The following SIRT6 variants were observed in gnomAD, a reference collection of about 807,000 sequenced individuals.
SIRT6 encodes sirtuin 6.
In SIRT6, 21 loss-of-function variants were observed where a neutral mutation model predicts 33.6. The ratio of observed to expected loss-of-function variants is 0.62; its 90% CI spans 0.44 to 0.90. The LOEUF (loss-of-function observed/expected upper bound fraction) is 0.90, where lower values mean the gene tolerates loss of function less well. Among genes scored for constraint, SIRT6 ranks in the 40% least tolerant of loss-of-function variants. The pLI is 0.00. For missense variants in SIRT6, 504 were observed against 510.6 expected (o/e 0.99, Z 0.12); for synonymous variants, 221 against 223.9 (o/e 0.99, Z 0.12).
rs570295396 is a variant in SIRT6, at chr19:4,177,625, A to G, written c.378-487T>C. ...GCCCAGGTTGGAGTGCAATGGTGCAATCTCAGCTCACCACAACCTCAATGG... is the reference window on the plus strand; with the variant it reads ...GCCCAGGTTGGAGTGCAATGGTGCAGTCTCAGCTCACCACAACCTCAATGG... On this transcript the variant is annotated intron_variant, in intron 3 of 7. Transcript: ENST00000337491. Among the ~76,000 whole-genome samples the G allele has an allele frequency of 7.2e-5, 11 of 152,144 alleles. No homozygotes were observed. In the South Asian group the frequency reaches 1.0e-3, roughly 14 times the overall value.
intron 4 of SIRT6, 78 bp from the exon 5 acceptor site, chr19:4,176,015 T>C: frequency 7.6e-7 from 1 of 1,323,662 alleles, no homozygotes; most frequent in Non-Finnish European, 1.0e-6. Context: ...TAGGGTGACG[T>C]TCTCCCAGGG....
rs1355063360 is a variant in SIRT6 at position 4,174,866 on chromosome 19, G to C, written c.819C>G (p.Ile273Met). 1 of 1,600,862 alleles carries C rather than the reference G, an allele frequency of 6.2e-7. No individual in the cohort carries two copies. ...TRLMKHLGLEIPAWDGPRVLE... is the reference protein window; with the variant it reads ...TRLMKHLGLEMPAWDGPRVLE... The stretch of plus-strand genomic sequence containing the variant: ...GCACACGGGGGCCGTCCCAGGCGGG[G>C]ATCTCCAGCCCCAGGTGCTTCATGA... The change falls in exon 8 of 8, where the codon ATC (isoleucine) becomes ATG (methionine). Residue 273 changes from isoleucine (I) to methionine (M), a missense_variant. Ile to Met is a conservative substitution (Grantham distance 10, BLOSUM62 1). Transcript: ENST00000337491. This position sits in a 1 kb window ranked among gnomAD's most constrained non-coding sequence, Gnocchi z 4.2.
intron 1 of SIRT6, among the ~76,000 whole-genome samples, chr19:4,181,645 G>C (rs890816386): frequency 6.6e-6 from 1 of 152,170 alleles, no homozygotes; most frequent in African/African-American, 2.4e-5. Flanking sequence ...AAATTAGCCA[G>C]GCGTGGTGGC....
intron 6 of SIRT6, 82 bp from the exon 7 acceptor site, chr19:4,175,233 T>C (rs1967222093): frequency 6.7e-7 from 1 of 1,500,670 alleles, no homozygotes; most frequent in Non-Finnish European, 8.9e-7. Context: ...GGTTCACACC[T>C]AGGCCATCTG....
At chr19:4,180,140 T>C (rs1043382628) in intron 2 of SIRT6, among the ~76,000 whole-genome samples, 2 of 133,988 alleles carry the variant, frequency 1.5e-5, no homozygotes, top group African/African-American at 2.8e-5. Context: ...AGTCTGGCTC[T>C]GTTGCCCAGG....
At chr19:4,175,491 A>C (rs1967237553) in intron 6 of SIRT6, 189 bp downstream of exon 6, 2 of 640,886 alleles carry the variant, frequency 3.1e-6, no homozygotes, top group African/African-American at 1.8e-5. Context: ...TGTAGCACCC[A>C]CCCAGAGCCA....
chr19:4,175,569 T>C, intron 6 of SIRT6, 111 bp downstream of exon 6: 1 of 1,106,956 alleles, frequency 9.0e-7, no homozygotes, highest in Non-Finnish European at 1.3e-6. Context: ...CCAGGAAGCC[T>C]CCCCTCACTG....
At chr19:4,177,231 G>A in intron 3 of SIRT6, 93 bp from the exon 4 acceptor site, 1 of 1,209,352 alleles carries the variant, frequency 8.3e-7, no homozygotes, top group Non-Finnish European at 1.2e-6. Context: ...CCTCCAGGAA[G>A]GCTTCCCGGA....
Position 4,175,665 on chromosome 19 carries a change from G to A in SIRT6, c.614+15C>T, listed in dbSNP as rs1967249238. ...CCCGCCCCACCATGGGCTCCCTGGG[G>A]GTGGGGGGTCAGACCTGCTGGCCTC... On this transcript the variant is annotated intron_variant, in intron 6 of 7. Transcript: ENST00000337491. 3 of 1,502,920 alleles carry A rather than the reference G, an allele frequency of 2.0e-6. No homozygotes were observed. Among genetic ancestry groups the A allele is most frequent in the Admixed American group, 2.3e-5 (1 of 43,242 alleles). The allele number at this position is 1,502,920 out of a possible 1,614,324, so 93.1% of individuals were successfully genotyped here. A position where few individuals can be genotyped will look rare whatever the true frequency, so the allele number is the denominator to read the frequency against.
At chr19:4,177,422 C>T (rs908254278) in intron 3 of SIRT6, among the ~76,000 whole-genome samples, 4 of 152,124 alleles carry the variant, frequency 2.6e-5, no homozygotes, top group Non-Finnish European at 2.9e-5. Flanking sequence ...ACAAAATGCC[C>T]GTCCCCCTCC....
chr19:4,182,547 T>A lies in SIRT6; in HGVS notation c.-8A>T. The A allele has an allele frequency of 6.2e-7, 1 of 1,609,584 alleles. No individual in the cohort carries two copies. Among genetic ancestry groups the A allele is most frequent in the Non-Finnish European group, 8.5e-7 (1 of 1,178,382 alleles). On this transcript the variant is annotated 5_prime_UTR_variant, in exon 1 of 8. Transcript: ENST00000337491. Reference sequence around the variant, plus strand: ...CGCGTAATTCACCGACATCCTCGACTGCCCCACGGGAACAATAAAGTTTCC... The same window carrying A: ...CGCGTAATTCACCGACATCCTCGACAGCCCCACGGGAACAATAAAGTTTCC...
Position 4,175,692 on chromosome 19 carries a change from T to C in SIRT6, c.602A>G (p.Asp201Gly), listed in dbSNP as rs1468375957. ...SLPDRDLALA[D>G]EASRNADLSI... Reference sequence around the variant, plus strand: ...TGGGGGGTCAGACCTGCTGGCCTCATCGGCGAGTGCCAGGTCCCGGTCGGG... The same window carrying C: ...TGGGGGGTCAGACCTGCTGGCCTCACCGGCGAGTGCCAGGTCCCGGTCGGG... Residue 201 changes from aspartate to glycine, a missense_variant, in exon 6 of 8, where the codon GAT becomes GGT. Transcript: ENST00000337491. 6.4e-7 allele frequency: 1 copy of C among 1,567,890 alleles called. No individual in the cohort carries two copies. Among genetic ancestry groups the C allele is most frequent in the South Asian group, 1.2e-5 (1 of 84,474 alleles).
chr19:4,181,673 T>C (rs576986219), intron 1 of SIRT6, among the ~76,000 whole-genome samples: 1 of 152,194 alleles, frequency 6.6e-6, no homozygotes, highest in East Asian at 1.9e-4. Context: ...TGTAGTCTCA[T>C]CTACTCTACT....
intron 2 of SIRT6, 123 bp downstream of exon 2, chr19:4,180,659 C>G (rs1967572979): frequency 2.3e-6 from 3 of 1,324,384 alleles, no homozygotes; most frequent in Non-Finnish European, 3.1e-6. Flanking sequence ...AAAGGGAGTA[C>G]CCAGGACACA....
Position 4,175,119 on chromosome 19 carries a change from G to A in SIRT6, c.647C>T (p.Ser216Leu), listed in dbSNP as rs777062958. ...NADLSITLGTSLQIRPSGNLP... is the reference protein window; with the variant it reads ...NADLSITLGTLLQIRPSGNLP... ...GTTCCCGCTGGGCCGGATCTGCAGC[G>A]ATGTACCCAGCGTGATGGACAGGTC... The change falls in exon 7 of 8, where the codon TCG becomes TTG. Residue 216 changes from serine to leucine, a missense_variant. Ser to Leu is a moderately radical substitution (Grantham distance 145). Transcript: ENST00000337491. The A allele has an allele frequency of 6.3e-6, 10 of 1,598,312 alleles. No homozygotes were observed. The Admixed American group carries it at 8.7e-5, about 14-fold the overall frequency.
intron 3 of SIRT6, among the ~76,000 whole-genome samples, chr19:4,178,462 G>A (rs1967435598): frequency 6.6e-6 from 1 of 152,136 alleles, no homozygotes; most frequent in Admixed American, 6.6e-5. Flanking sequence ...GGCAGGGGAG[G>A]GCCACACTTT....
At chr19:4,175,511 G>T in intron 6 of SIRT6, 169 bp downstream of exon 6, 1 of 654,932 alleles carries the variant, frequency 1.5e-6, no homozygotes, top group South Asian at 2.0e-5. Context: ...ATGAGGTGAC[G>T]AGTGTGTGTG....
Position 4,174,963 on chromosome 19 carries a change from CG to C in SIRT6, c.739-18del. ...ATGGCGGTCCTGCCGAGGGGCGGGACGGGTCAGGCGTGGGGGACAGAGGGTG... is the reference window on the plus strand; with the variant it reads ...ATGGCGGTCCTGCCGAGGGGCGGGACGGTCAGGCGTGGGGGACAGAGGGTG... On this transcript the variant is annotated intron_variant, in intron 7 of 7. Coordinates refer to ENST00000337491, the MANE Select transcript of SIRT6 (RefSeq NM_016539.4). This position sits in a 1 kb window ranked among gnomAD's most constrained non-coding sequence, Gnocchi z 4.2. 6.2e-7 allele frequency: 1 copy of C among 1,609,478 alleles called. No homozygotes were observed. The highest frequency in any genetic ancestry group is 8.5e-7 in the Non-Finnish European group (1 of 1,178,852).
chr19:4,178,918 G>A (rs1967459742), intron 3 of SIRT6, among the ~76,000 whole-genome samples, 186 bp downstream of exon 3: 2 of 152,190 alleles, frequency 1.3e-5, no homozygotes, highest in African/African-American at 2.4e-5. Flanking sequence ...CATCTCGAGG[G>A]AAATTCTGCC....
Sources: allele counts gnomAD v4.1 joint callset (sites outside exome capture counted in the v4.1 genomes callset), GRCh38; gene constraint gnomAD v4.1.1; non-coding constraint Gnocchi (gnomAD v3.1); transcripts MANE v1.5; gene names NCBI Gene and HGNC (gene_info 2026-07-23, HGNC 2026-07-21).